The following TENT4B variants were observed in gnomAD, a reference collection of about 807,000 sequenced individuals.
The protein encoded by TENT4B is terminal nucleotidyltransferase 4B.
Under a neutral mutation model 75.0 loss-of-function variants are expected in TENT4B, and 10 were observed. The ratio of observed to expected loss-of-function variants is 0.13; its 90% CI spans 0.08 to 0.23. The LOEUF is 0.23. Among genes scored for constraint, TENT4B ranks in the 10% least tolerant of loss-of-function variants. The pLI is 1.00. For synonymous variants in TENT4B, 350 were observed against 357.7 expected (o/e 0.98, Z 0.24); for missense variants, 579 against 893.8 (o/e 0.65, Z 4.49).
At chr16:50,178,434 A>G (rs1417939283) in intron 1 of TENT4B, among the ~76,000 whole-genome samples, 1 of 151,854 alleles carries the variant, frequency 6.6e-6, no homozygotes, top group African/African-American at 2.4e-5. Flanking sequence ...ACAGAGTGAA[A>G]TTTTGTTCTC....
Position 50,153,775 on chromosome 16 carries a change from A to G in TENT4B, c.154A>G (p.Ser52Gly). 8.7e-7 allele frequency: 1 copy of G among 1,154,570 alleles called. No homozygotes were observed. Among genetic ancestry groups the G allele is most frequent in the Non-Finnish European group, 1.1e-6 (1 of 939,006 alleles). The allele number at this position is 1,154,570 out of a possible 1,614,324, so 71.5% of individuals were successfully genotyped here. ...CGGCGCGAGCGGCGGCGGCGGCAGC[A>G]GCAGCAGCAGCAGCACGGCCACCGG... The part of the protein sequence containing the change: ...SGGASGGGGS[S>G]SSSSTATGGS... The change falls in exon 1 of 12, where the codon AGC becomes GGC. Residue 52 changes from serine to glycine, a missense_variant. Around this residue, in one of 7 missense-constraint regions of TENT4B, gnomAD observed 253 missense variants for 270.1 expected, o/e 0.94. Coordinates refer to ENST00000561678, the MANE Select transcript of TENT4B (RefSeq NM_001365324.3).
chr16:50,185,913 CTG>C (rs1237299208), intron 1 of TENT4B, among the ~76,000 whole-genome samples: 1 of 152,060 alleles, frequency 6.6e-6, no homozygotes, highest in Non-Finnish European at 1.5e-5. Flanking sequence ...ACACTATTGT[CTG>C]TATTTTTAAA....
At chr16:50,188,105 A>G (rs1432859442) in intron 1 of TENT4B, among the ~76,000 whole-genome samples, 2 of 152,236 alleles carry the variant, frequency 1.3e-5, no homozygotes, top group African/African-American at 4.8e-5. Flanking sequence ...TTTACAAGTT[A>G]AAGACAGATA....
intron 1 of TENT4B, among the ~76,000 whole-genome samples, chr16:50,191,324 C>T (rs1275290225): frequency 3.9e-5 from 6 of 152,242 alleles, no homozygotes; most frequent in African/African-American, 7.2e-5. Context: ...TACATTCCCC[C>T]CAGCAATGTA....
At position 50,153,985 on chromosome 16, in the gene TENT4B, G is replaced by T. The variant is rs111797270; in HGVS notation, c.364G>T (p.Ala122Ser). 6.5e-7 allele frequency: 1 copy of T among 1,533,784 alleles called. No individual in the cohort carries two copies. Among genetic ancestry groups the T allele is most frequent in the Non-Finnish European group, 8.7e-7 (1 of 1,146,036 alleles). ...NNNHHQPGAWARRAGSSASSP... is the reference protein window; with the variant it reads ...NNNHHQPGAWSRRAGSSASSP... The stretch of plus-strand genomic sequence containing the variant: ...CAACCACCACCAGCCCGGGGCCTGG[G>T]CCCGCCGGGCGGGCTCCTCGGCGTC... The change falls in exon 1 of 12, where the codon GCC (alanine) becomes TCC (serine). Residue 122 changes from alanine to serine, a missense_variant. This residue lies in a region of TENT4B where 253 missense variants were observed against 270.1 expected (regional missense o/e 0.94). Coordinates refer to ENST00000561678, the MANE Select transcript of TENT4B (RefSeq NM_001365324.3).
In TENT4B at chr16:50,195,031, G is replaced by A. The variant is rs1408433480; in HGVS notation, c.639-16292G>A. Among the ~76,000 whole-genome samples, 3 of 152,188 alleles carry A rather than the reference G, an allele frequency of 2.0e-5. No individual in the cohort carries two copies. The East Asian group carries it at 5.8e-4, about 29-fold the overall frequency. ...CCCAAAGTGCTGGGATTACAGGCATGAGCCACTGCACCCGGCCTGGCTAAT... is the reference window on the plus strand; with the variant it reads ...CCCAAAGTGCTGGGATTACAGGCATAAGCCACTGCACCCGGCCTGGCTAAT... On this transcript the variant is annotated intron_variant, in intron 1 of 11. Coordinates refer to ENST00000561678, the MANE Select transcript of TENT4B (RefSeq NM_001365324.3).
chr16:50,193,729 T>G (rs1248139318), intron 1 of TENT4B, among the ~76,000 whole-genome samples: 1 of 152,106 alleles, frequency 6.6e-6, no homozygotes, highest in African/African-American at 2.4e-5. Context: ...TTTGTGGGAA[T>G]GTAGGTAATG....
chr16:50,209,315 A>G (rs939170653), intron 1 of TENT4B, among the ~76,000 whole-genome samples: 6 of 152,304 alleles, frequency 3.9e-5, no homozygotes, highest in Non-Finnish European at 8.8e-5. Context: ...TTGCCAGCCA[A>G]CCTGTGCAGA....
chr16:50,198,770 G>A (rs8055697), intron 1 of TENT4B, among the ~76,000 whole-genome samples: 114,022 of 152,016 alleles, frequency 0.75, 43,325 homozygotes, highest in Non-Finnish European at 0.8. Flanking sequence ...GTTTTGTACT[G>A]TCAACTACTT....
chr16:50,180,593 C>T (rs945125980), intron 1 of TENT4B, among the ~76,000 whole-genome samples: 2 of 151,928 alleles, frequency 1.3e-5, no homozygotes, highest in African/African-American at 2.4e-5. Flanking sequence ...CCTGTGGTCC[C>T]AGCTACTCTG....
At position 50,231,603 on chromosome 16, in the gene TENT4B, CTT is replaced by C; in HGVS notation, c.*2276_*2277del. Reference sequence around the variant, plus strand: ...AGATAATTCTGATTCCATTGGGAATCTTAGGTTTTCGTAAATTTATTGGGAAA... The same window carrying C: ...AGATAATTCTGATTCCATTGGGAATCAGGTTTTCGTAAATTTATTGGGAAA... On this transcript the variant is annotated 3_prime_UTR_variant, in exon 12 of 12. Coordinates refer to ENST00000561678, the MANE Select transcript of TENT4B (RefSeq NM_001365324.3). 1 of 985,762 alleles carries C rather than the reference CTT, an allele frequency of 1.0e-6. No homozygotes were observed. The highest frequency in any genetic ancestry group is 1.2e-6 in the Non-Finnish European group (1 of 829,906). The allele number at this position is 985,762 out of a possible 1,614,324, so 61.1% of individuals were successfully genotyped here.
At chr16:50,211,227 C>T (rs773343579) in intron 1 of TENT4B, 96 bp from the exon 2 acceptor site, 10 of 1,266,640 alleles carry the variant, frequency 7.9e-6, no homozygotes, top group Non-Finnish European at 7.3e-6. Flanking sequence ...TAGTCATCAG[C>T]TGAATTATAA....
At chr16:50,182,935 G>A (rs1361568115) in intron 1 of TENT4B, among the ~76,000 whole-genome samples, 1 of 61,922 alleles carries the variant, frequency 1.6e-5, no homozygotes, top group Non-Finnish European at 3.4e-5. Flanking sequence ...GTTAGGCCAA[G>A]TTGCCTAGGC....
Position 50,233,540 on chromosome 16 carries a change from T to C in TENT4B, c.*4212T>C. 1 of 985,168 alleles carries C rather than the reference T, an allele frequency of 1.0e-6. No individual in the cohort carries two copies. Among genetic ancestry groups the C allele is most frequent in the Non-Finnish European group, 1.2e-6 (1 of 829,732 alleles). The allele number at this position is 985,168 out of a possible 1,614,324, so 61.0% of individuals were successfully genotyped here. On this transcript the variant is annotated 3_prime_UTR_variant, in exon 12 of 12. Coordinates refer to ENST00000561678, the MANE Select transcript of TENT4B (RefSeq NM_001365324.3). ...TCAAAGATAATGAGCTAAATATATA[T>C]AGACGTTGAATGTTGACAAAATTAT... is the stretch of plus-strand genomic sequence containing the variant.
At chr16:50,201,546 AAAAAT>A (rs940434587) in intron 1 of TENT4B, among the ~76,000 whole-genome samples, 4 of 151,766 alleles carry the variant, frequency 2.6e-5, no homozygotes, top group African/African-American at 9.7e-5. Flanking sequence ...CAAGAAAAAA[AAAAAT>A]GCCAGCAGTG....
At chr16:50,210,385 T>G (rs544265467) in intron 1 of TENT4B, among the ~76,000 whole-genome samples, 2 of 152,324 alleles carry the variant, frequency 1.3e-5, no homozygotes, top group Non-Finnish European at 2.9e-5. Flanking sequence ...AAGGCATCCT[T>G]AGCCCCCCAC....
At chr16:50,182,195 A>C (rs925663396) in intron 1 of TENT4B, among the ~76,000 whole-genome samples, 3 of 152,062 alleles carry the variant, frequency 2.0e-5, no homozygotes, top group African/African-American at 7.2e-5. Context: ...TGAGCCTGGG[A>C]GGCAGAGGTT....
At position 50,231,614 on chromosome 16, in the gene TENT4B, G is replaced by A. The variant is rs895153013; in HGVS notation, c.*2286G>A. 3.6e-5 allele frequency: 35 copies of A among 985,678 alleles called. No individual in the cohort carries two copies. The highest frequency in any genetic ancestry group is 4.1e-5 in the Non-Finnish European group (34 of 829,914). The allele number at this position is 985,678 out of a possible 1,614,324, so 61.1% of individuals were successfully genotyped here. A position where few individuals can be genotyped will look rare whatever the true frequency, so the allele number is the denominator to read the frequency against. On this transcript the variant is annotated 3_prime_UTR_variant, in exon 12 of 12. Transcript: ENST00000561678. ...ATTCCATTGGGAATCTTAGGTTTTCGTAAATTTATTGGGAAAATAGTTTTT... is the reference window on the plus strand; with the variant it reads ...ATTCCATTGGGAATCTTAGGTTTTCATAAATTTATTGGGAAAATAGTTTTT...
intron 1 of TENT4B, among the ~76,000 whole-genome samples, chr16:50,161,861 G>A (rs10451130): frequency 0.062 from 9,433 of 152,060 alleles, 472 homozygotes; most frequent in African/African-American, 0.13. Flanking sequence ...ATATATAATT[G>A]TATGCAATTT....
Sources: allele counts gnomAD v4.1 joint callset (sites outside exome capture counted in the v4.1 genomes callset), GRCh38; gene constraint gnomAD v4.1.1; regional missense constraint gnomAD v4.1.1; transcripts MANE v1.5; gene names NCBI Gene and HGNC (gene_info 2026-07-23, HGNC 2026-07-21).